The following DBX1 variants were observed in gnomAD, a reference collection of about 807,000 sequenced individuals.
The protein encoded by DBX1 is developing brain homeobox 1.
Under a neutral mutation model 20.8 loss-of-function variants are expected in DBX1, and 10 were observed. The observed-to-expected ratio is 0.48, with a 90% confidence interval of 0.30 to 0.82. DBX1 has a LOEUF of 0.82. Among genes scored for constraint, DBX1 ranks in the 40% least tolerant of loss-of-function variants. DBX1 has a pLI of 0.07. For missense variants in DBX1, 505 were observed against 468.8 expected (o/e 1.08, Z -0.71); for synonymous variants, 241 against 213.9 (o/e 1.13, Z -1.11).
rs753787028 is a variant in DBX1, at chr11:20,156,658, G to A, written c.673-85C>T. Reference sequence around the variant, plus strand: ...GGGACGCACGGGGGCGGGGAGTGGAGTCGGGTGCAGGCTCTGTCCTTCGGG... The same window carrying A: ...GGGACGCACGGGGGCGGGGAGTGGAATCGGGTGCAGGCTCTGTCCTTCGGG... On this transcript the variant is annotated intron_variant, in intron 3 of 3. Coordinates refer to ENST00000524983, the MANE Select transcript of DBX1 (RefSeq NM_001029865.4). The surrounding 1 kb of genome is among the most constrained non-coding windows in gnomAD (Gnocchi z 4.8). 25 of 1,583,328 alleles carry A rather than the reference G, an allele frequency of 1.6e-5. No homozygotes were observed. Among genetic ancestry groups the A allele is most frequent in the Non-Finnish European group, 1.9e-5 (22 of 1,154,112 alleles).
rs2063655089 is a variant in DBX1 at position 20,156,281 on chromosome 11, G to C, written c.965C>G (p.Pro322Arg). The C allele has an allele frequency of 6.5e-7, 1 of 1,530,972 alleles. No individual in the cohort carries two copies. Among genetic ancestry groups the C allele is most frequent in the African/African-American group, 1.4e-5 (1 of 72,256 alleles). 94.8% of individuals were successfully genotyped at this position (1,530,972 alleles called of 1,614,324 possible). ...SPAHSSSPGK[P>R]SDFSDSEEEE... is the part of the protein sequence containing the mutation. Reference sequence around the variant, plus strand: ...CTCCTCGGAATCTGAGAAGTCCGAAGGTTTCCCGGGACTGCTCGAGTGCGC... The same window carrying C: ...CTCCTCGGAATCTGAGAAGTCCGAACGTTTCCCGGGACTGCTCGAGTGCGC... Residue 322 changes from proline to arginine, a missense_variant, in exon 4 of 4, where the codon CCT becomes CGT. Coordinates refer to ENST00000524983, the MANE Select transcript of DBX1 (RefSeq NM_001029865.4). The surrounding 1 kb of genome is among the most constrained non-coding windows in gnomAD (Gnocchi z 4.8).
intron 2 of DBX1, among the ~76,000 whole-genome samples, chr11:20,158,014 T>A (rs2063669311): frequency 6.6e-6 from 1 of 151,966 alleles, no homozygotes; most frequent in Admixed American, 6.6e-5. Context: ...CAAAAGAGAT[T>A]TACACTTTCA....
rs776611407 is a variant in DBX1, at chr11:20,159,270, C to G, written c.390G>C (p.Gln130His). Residue 130 changes from glutamine to histidine, a missense_variant, in exon 2 of 4, where the codon CAG (glutamine) becomes CAC (histidine). Gln to His is a conservative substitution (Grantham distance 24). Coordinates refer to ENST00000524983, the MANE Select transcript of DBX1 (RefSeq NM_001029865.4). ...AGGCGAAGGTCTTGGGAGGGACGCT[C>G]TGGAGCAAGGCTGGGGATGTTTCTG... Reference protein sequence around the residue: ...PRTETSPALLQSVPPKTFAFP... With the variant: ...PRTETSPALLHSVPPKTFAFP... The G allele has an allele frequency of 4.3e-6, 7 of 1,613,542 alleles. No homozygotes were observed. The highest frequency in any genetic ancestry group is 4.5e-5 in the East Asian group (2 of 44,868).
At chr11:20,158,642 A>T (rs1056576258) in intron 2 of DBX1, among the ~76,000 whole-genome samples, 1 of 152,084 alleles carries the variant, frequency 6.6e-6, no homozygotes, top group Non-Finnish European at 1.5e-5. Flanking sequence ...GGGAGGATCT[A>T]ATCCCCCTCC....
In DBX1 at chr11:20,156,871, G is replaced by A. The variant is rs1051301996; in HGVS notation, c.672+166C>T. 1.3e-5 allele frequency among the ~76,000 whole-genome samples: 2 copies of A among 152,138 alleles called. No homozygotes were observed. The highest frequency in any genetic ancestry group is 2.9e-5 in the Non-Finnish European group (2 of 68,020). ...TGGGGAGAGAAGAGGGCTATCCTGC[G>A]GAGCTTCGAGGGTAGTGGCCCGTGT... is the stretch of plus-strand genomic sequence containing the variant. On this transcript the variant is annotated intron_variant, in intron 3 of 3. Transcript: ENST00000524983. This position sits in a 1 kb window ranked among gnomAD's most constrained non-coding sequence, Gnocchi z 4.8.
intron 2 of DBX1, among the ~76,000 whole-genome samples, chr11:20,157,475 C>G (rs1486920679): frequency 6.6e-6 from 1 of 152,238 alleles, no homozygotes. Flanking sequence ...ACAGAGAAAA[C>G]AGCCCCCACA....
At chr11:20,159,106 G>T in intron 2 of DBX1, 85 bp downstream of exon 2, 1 of 960,534 alleles carries the variant, frequency 1.0e-6, no homozygotes, top group South Asian at 1.4e-5. Flanking sequence ...GGGGTGGACG[G>T]AGAAATACGG....
At chr11:20,158,568 T>G (rs2204001) in intron 2 of DBX1, among the ~76,000 whole-genome samples, 141,338 of 152,156 alleles carry the variant, frequency 0.93, 65,681 homozygotes, top group Middle Eastern at 0.99. Context: ...TATTTTATAA[T>G]ACAGGGTGGG....
intron 2 of DBX1, among the ~76,000 whole-genome samples, chr11:20,158,560 T>G (rs2063672133): frequency 6.6e-6 from 1 of 152,098 alleles, no homozygotes; most frequent in African/African-American, 2.4e-5. Context: ...ATCAACGGTA[T>G]TTTATAATAC....
Position 20,156,752 on chromosome 11 carries a change from G to C in DBX1, c.673-179C>G. 2 of 1,059,088 alleles carry C rather than the reference G, an allele frequency of 1.9e-6. No individual in the cohort carries two copies. Among genetic ancestry groups the C allele is most frequent in the Non-Finnish European group, 1.4e-6 (1 of 699,812 alleles). The allele number at this position is 1,059,088 out of a possible 1,614,324, so 65.6% of individuals were successfully genotyped here. ...CCGCATTGACTCCGCCCCCGCCTCA[G>C]CTCGCGGTTCCGTTTGCCTCATCCG... On this transcript the variant is annotated intron_variant, in intron 3 of 3. Transcript: ENST00000524983. The surrounding 1 kb of genome is among the most constrained non-coding windows in gnomAD (Gnocchi z 4.8).
chr11:20,158,557 G>A (rs1231001858), intron 2 of DBX1, among the ~76,000 whole-genome samples: 2 of 152,092 alleles, frequency 1.3e-5, no homozygotes, highest in Admixed American at 6.5e-5. Context: ...AAGATCAACG[G>A]TATTTTATAA....
At position 20,160,435 on chromosome 11, in the gene DBX1, T is replaced by G. The variant is rs1037988443; in HGVS notation, c.-111A>C. 2 of 1,338,780 alleles carry G rather than the reference T, an allele frequency of 1.5e-6. No homozygotes were observed. The highest frequency in any genetic ancestry group is 1.9e-6 in the Non-Finnish European group (2 of 1,034,678). 82.9% of individuals were successfully genotyped at this position (1,338,780 alleles called of 1,614,324 possible). ...TCCTCTCTCTTGGGCTTAGCAAACG[T>G]CTCCAAGTAACAATCCCACTTGGGC... On this transcript the variant is annotated 5_prime_UTR_variant, in exon 1 of 4. Coordinates refer to ENST00000524983, the MANE Select transcript of DBX1 (RefSeq NM_001029865.4).
Position 20,159,261 on chromosome 11 carries a change from A to T in DBX1, c.399T>A (p.Pro133=), listed in dbSNP as rs1027542523. The change falls in exon 2 of 4, where the codon CCT becomes CCA. Residue 133 remains proline, a synonymous_variant. Transcript: ENST00000524983. ...AGTAGGGAAAGGCGAAGGTCTTGGG[A>T]GGGACGCTCTGGAGCAAGGCTGGGG... is the stretch of plus-strand genomic sequence containing the variant. ...ETSPALLQSV[P]PKTFAFPYFE... 1 of 1,613,584 alleles carries T rather than the reference A, an allele frequency of 6.2e-7. No individual in the cohort carries two copies. The highest frequency in any genetic ancestry group is 2.2e-5 in the East Asian group (1 of 44,806).
chr11:20,156,621 C>A lies in DBX1; in HGVS notation c.673-48G>T. Reference sequence around the variant, plus strand: ...AAGAAGGGAGAAGCAGAGGTCAGATCAGGGGCTCCGGGGGACGCACGGGGG... The same window carrying A: ...AAGAAGGGAGAAGCAGAGGTCAGATAAGGGGCTCCGGGGGACGCACGGGGG... On this transcript the variant is annotated intron_variant, in intron 3 of 3. Transcript: ENST00000524983. This position sits in a 1 kb window ranked among gnomAD's most constrained non-coding sequence, Gnocchi z 4.8. 6.2e-7 allele frequency: 1 copy of A among 1,613,480 alleles called. No homozygotes were observed. Among genetic ancestry groups the A allele is most frequent in the Non-Finnish European group, 8.5e-7 (1 of 1,180,000 alleles).
rs762018047 is a variant in DBX1 at position 20,160,214 on chromosome 11, G to A, written c.111C>T (p.Ser37=). 2.6e-6 allele frequency: 4 copies of A among 1,547,246 alleles called. No homozygotes were observed. The South Asian group carries it at 4.8e-5, about 18-fold the overall frequency. ...QSLQSAFSGH[S]SFLVEDLIRI... ...GGATCAGATCCTCCACCAGGAAGCT[G>A]GAGTGGCCGGAAAATGCCGACTGCA... The change falls in exon 1 of 4, where the codon TCC becomes TCT. Residue 37 remains serine (S), a synonymous_variant. Transcript: ENST00000524983.
At chr11:20,157,356 C>G (rs570379429) in intron 2 of DBX1, 117 bp from the exon 3 acceptor site, 73 of 943,510 alleles carry the variant, frequency 7.7e-5, no homozygotes, top group Non-Finnish European at 9.9e-5. Flanking sequence ...TTTTTCTCCC[C>G]CTGGAGAATA....
chr11:20,158,667 A>AG (rs1377466638), intron 2 of DBX1, among the ~76,000 whole-genome samples: 7 of 152,074 alleles, frequency 4.6e-5, no homozygotes, highest in African/African-American at 1.7e-4. Context: ...GGGCGACCCT[A>AG]GGCATCCCAC....
Position 20,160,413 on chromosome 11 carries a change from T to G in DBX1, c.-89A>C. ...CGCCCCTCCCGCCCCCACAGTGTCC[T>G]CTCTCTTGGGCTTAGCAAACGTCTC... On this transcript the variant is annotated 5_prime_UTR_variant, in exon 1 of 4. Transcript: ENST00000524983. 7.1e-7 allele frequency: 1 copy of G among 1,405,578 alleles called. No individual in the cohort carries two copies. Among genetic ancestry groups the G allele is most frequent in the Non-Finnish European group, 9.2e-7 (1 of 1,081,862 alleles). The allele number at this position is 1,405,578 out of a possible 1,614,324, so 87.1% of individuals were successfully genotyped here. A position where few individuals can be genotyped will look rare whatever the true frequency, so the allele number is the denominator to read the frequency against.
chr11:20,157,552 G>T (rs367649399), intron 2 of DBX1, among the ~76,000 whole-genome samples: 1 of 152,086 alleles, frequency 6.6e-6, no homozygotes, highest in Non-Finnish European at 1.5e-5. Context: ...AACTAAAACA[G>T]CAATAGAAAA....
Sources: gnomAD v4.1 joint callset for allele counts (sites outside exome capture counted in the v4.1 genomes callset) on GRCh38, gnomAD v4.1.1 for gene constraint, Gnocchi (gnomAD v3.1) non-coding constraint, MANE v1.5 for transcripts, NCBI Gene and HGNC (gene_info 2026-07-23, HGNC 2026-07-21) for gene names.